The following NOCT variants were observed in gnomAD, a reference collection of about 807,000 sequenced individuals.
The protein encoded by NOCT is CCR4 carbon catabolite repression 4-like.
A neutral mutation model predicts 35.0 loss-of-function variants in NOCT; 18 were observed. The ratio of observed to expected loss-of-function variants is 0.51; its 90% CI spans 0.36 to 0.76. The LOEUF is 0.76. Ranked by LOEUF, NOCT falls within the 30% of genes least tolerant of loss-of-function variation. The pLI is 0.01. For missense variants in NOCT, 479 were observed against 541.0 expected (o/e 0.89, Z 1.14); for synonymous variants, 235 against 226.3 (o/e 1.04, Z -0.34).
Position 139,045,094 on chromosome 4 carries a change from C to T in NOCT, c.916C>T (p.Gln306Ter). ...ATCAGCTCAAGGCTGTGACCTCCTT[C>T]AGAACCTGCAAAACATCACCCAAGG... The part of the protein sequence containing the change: ...FRSAQGCDLL[Q>*]NLQNITQGAK... Residue 306 changes from glutamine to a stop codon, truncating the protein, a stop_gained, in exon 3 of 3, where the codon CAG (glutamine) becomes TAG (stop). Coordinates refer to ENST00000280614, the MANE Select transcript of NOCT (RefSeq NM_012118.4). LOFTEE classifies it high-confidence loss of function. 4 of 1,614,194 alleles carry T rather than the reference C, an allele frequency of 2.5e-6. No individual in the cohort carries two copies. Among genetic ancestry groups the T allele is most frequent in the Non-Finnish European group, 3.4e-6 (4 of 1,180,022 alleles).
chr4:139,025,252 G>A (rs573069371), intron 1 of NOCT, among the ~76,000 whole-genome samples: 7 of 152,240 alleles, frequency 4.6e-5, no homozygotes, highest in East Asian at 1.9e-4. Context: ...TAGTGCCACC[G>A]TTCACTTTCA....
intron 1 of NOCT, among the ~76,000 whole-genome samples, chr4:139,026,113 TA>T (rs1726510979): frequency 6.6e-6 from 1 of 152,194 alleles, no homozygotes; most frequent in African/African-American, 2.4e-5. Flanking sequence ...ATTTTTTATT[TA>T]TTTTTTTAGA....
chr4:139,024,999 C>T (rs1726485883), intron 1 of NOCT, among the ~76,000 whole-genome samples: 1 of 152,192 alleles, frequency 6.6e-6, no homozygotes, highest in African/African-American at 2.4e-5. Context: ...TAACTACCGC[C>T]TTTGTCAAAG....
At chr4:139,020,965 A>G (rs1016760881) in intron 1 of NOCT, among the ~76,000 whole-genome samples, 6 of 151,510 alleles carry the variant, frequency 4.0e-5, no homozygotes, top group African/African-American at 1.5e-4. Flanking sequence ...TGCTTCGGAA[A>G]CTGAGGCAGG....
At position 139,043,980 on chromosome 4, in the gene NOCT, G is replaced by GTATATATATATATATATATATATA. The variant is rs59044230; in HGVS notation, c.460+638_461-635dup. The GTATATATATATATATATATATATA allele has an allele frequency of 2.4e-4, 33 of 135,362 alleles. 1 individual carries two copies. The highest frequency in any genetic ancestry group is 9.1e-4 in the African/African-American group (32 of 35,060). The allele number at this position is 135,362 out of a possible 1,614,324, so 8.4% of individuals were successfully genotyped here. On this transcript the variant is annotated intron_variant, in intron 2 of 2. Coordinates refer to ENST00000280614, the MANE Select transcript of NOCT (RefSeq NM_012118.4). ...GTGAGACACTGTCTCAAAAAAATATGTATATATATATATATATATATATAC... is the reference window on the plus strand; with the variant it reads ...GTGAGACACTGTCTCAAAAAAATATGTATATATATATATATATATATATATATATATATATATATATATATATAC...
intron 1 of NOCT, among the ~76,000 whole-genome samples, chr4:139,038,307 G>T (rs758387257): frequency 6.6e-6 from 1 of 152,030 alleles, no homozygotes; most frequent in Non-Finnish European, 1.5e-5. Flanking sequence ...CTCTTTTGAG[G>T]CCTTAGAATT....
chr4:139,045,303 C>A lies in NOCT; in HGVS notation c.1125C>A (p.Thr375=), dbSNP rs1726913393. Residue 375 remains threonine (T), a synonymous_variant, in exon 3 of 3, where the codon ACC becomes ACA. Coordinates refer to ENST00000280614, the MANE Select transcript of NOCT (RefSeq NM_012118.4). ...GGACCTCAGGGGAGTGCAGGCACAC[C>A]CTGGATTACATCTGGTATTCTAAAC... is the stretch of plus-strand genomic sequence containing the variant. ...KIRTSGECRH[T]LDYIWYSKHA... 4 of 1,613,920 alleles carry A rather than the reference C, an allele frequency of 2.5e-6. No homozygotes were observed. The highest frequency in any genetic ancestry group is 1.7e-5 in the Admixed American group (1 of 59,984).
intron 1 of NOCT, among the ~76,000 whole-genome samples, chr4:139,019,612 T>C (rs530485073): frequency 1.3e-5 from 2 of 152,362 alleles, no homozygotes; most frequent in African/African-American, 4.8e-5. Context: ...CCACATTTGC[T>C]AATCAGTTCC....
chr4:139,024,054 T>TC (rs1726470849), intron 1 of NOCT, among the ~76,000 whole-genome samples: 1 of 150,794 alleles, frequency 6.6e-6, no homozygotes, highest in South Asian at 2.1e-4. Flanking sequence ...CCTTTTTTTT[T>TC]TTTTTTTTTT....
chr4:139,016,142 C>T lies in NOCT; in HGVS notation c.161C>T (p.Ser54Leu). ...PRLLAAASAASGAARSCSRTV... is the reference protein window; with the variant it reads ...PRLLAAASAALGAARSCSRTV... ...CTGCTGGCGGCGGCCTCGGCGGCCTCGGGCGCCGCGAGGTCGTGTTCCCGA... is the reference window on the plus strand; with the variant it reads ...CTGCTGGCGGCGGCCTCGGCGGCCTTGGGCGCCGCGAGGTCGTGTTCCCGA... Residue 54 changes from serine to leucine, a missense_variant, in exon 1 of 3, where the codon TCG becomes TTG. By Grantham distance (145) the Ser-to-Leu change is moderately radical (BLOSUM62 -2). Transcript: ENST00000280614. The T allele has an allele frequency of 7.8e-7, 1 of 1,277,562 alleles. No individual in the cohort carries two copies. The highest frequency in any genetic ancestry group is 3.1e-5 in the East Asian group (1 of 31,910). The allele number at this position is 1,277,562 out of a possible 1,614,324, so 79.1% of individuals were successfully genotyped here.
chr4:139,035,441 GCTC>G (rs1346382604), intron 1 of NOCT, among the ~76,000 whole-genome samples: 1 of 152,008 alleles, frequency 6.6e-6, no homozygotes, highest in Non-Finnish European at 1.5e-5. Flanking sequence ...CAGCCTCAAG[GCTC>G]CTTTTTGACT....
intron 1 of NOCT, among the ~76,000 whole-genome samples, chr4:139,036,738 C>G (rs1726744381): frequency 6.6e-6 from 1 of 152,124 alleles, no homozygotes; most frequent in South Asian, 2.1e-4. Flanking sequence ...ATTGGCATAA[C>G]TCAGTGACTT....
chr4:139,045,338 A>G lies in NOCT; in HGVS notation c.1160A>G (p.Asn387Ser), dbSNP rs761638930. 3.1e-6 allele frequency: 5 copies of G among 1,613,966 alleles called. No homozygotes were observed. Among genetic ancestry groups the G allele is most frequent in the Middle Eastern group, 1.6e-4 (1 of 6,062 alleles). ...ATCTGGTATTCTAAACATGCTCTAA[A>G]TGTAAGGTCAGCTCTCGATCTGCTC... is the stretch of plus-strand genomic sequence containing the variant. ...DYIWYSKHAL[N>S]VRSALDLLTE... is the part of the protein sequence containing the mutation. Residue 387 changes from asparagine (N) to serine (S), a missense_variant, in exon 3 of 3, where the codon AAT becomes AGT. By Grantham distance (46) the Asn-to-Ser change is conservative. Coordinates refer to ENST00000280614, the MANE Select transcript of NOCT (RefSeq NM_012118.4).
At chr4:139,029,745 T>C (rs1726592780) in intron 1 of NOCT, among the ~76,000 whole-genome samples, 1 of 152,150 alleles carries the variant, frequency 6.6e-6, no homozygotes, top group African/African-American at 2.4e-5. Flanking sequence ...ATCTGGAAAT[T>C]CATGTCATAT....
intron 1 of NOCT, among the ~76,000 whole-genome samples, chr4:139,017,791 C>T (rs568904318): frequency 6.6e-6 from 1 of 151,856 alleles, no homozygotes; most frequent in African/African-American, 2.4e-5. Context: ...AGTAAAACTC[C>T]GTCTCAAAAC....
intron 1 of NOCT, among the ~76,000 whole-genome samples, chr4:139,041,941 C>T (rs1261746818): frequency 2.0e-5 from 3 of 152,104 alleles, no homozygotes; most frequent in Non-Finnish European, 4.4e-5. Flanking sequence ...TTACTTTCCC[C>T]AACAGAGGGA....
intron 1 of NOCT, among the ~76,000 whole-genome samples, chr4:139,041,825 C>G (rs963760850): frequency 2.0e-5 from 3 of 152,070 alleles, no homozygotes; most frequent in Non-Finnish European, 4.4e-5. Context: ...GCAATTGATA[C>G]AAGATTATAG....
At chr4:139,044,048 AT>A (rs978917195) in intron 2 of NOCT, among the ~76,000 whole-genome samples, 2 of 150,124 alleles carry the variant, frequency 1.3e-5, no homozygotes, top group African/African-American at 4.9e-5. Context: ...GGTCTGCCAA[AT>A]TAAAAAACAG....
chr4:139,041,916 G>T (rs930128082), intron 1 of NOCT, among the ~76,000 whole-genome samples: 8 of 134,276 alleles, frequency 6.0e-5, no homozygotes, highest in Non-Finnish European at 1.2e-4. Flanking sequence ...GGAGAAATGG[G>T]AAAGAATCTA....
Sources: gnomAD v4.1 joint callset for allele counts (sites outside exome capture counted in the v4.1 genomes callset) on GRCh38, gnomAD v4.1.1 for gene constraint, MANE v1.5 for transcripts, NCBI Gene and HGNC (gene_info 2026-07-23, HGNC 2026-07-21) for gene names.